Variants in QSER1 observed in about 807,000 individuals in gnomAD.
QSER1 encodes the protein glutamine and serine rich 1, also known as glutamine and serine-rich protein 1.
Under a neutral mutation model 158.5 loss-of-function variants are expected in QSER1, and 49 were observed. The observed-to-expected ratio is 0.31, with a 90% CI of 0.25 to 0.39. The LOEUF (loss-of-function observed/expected upper bound fraction) is 0.39. QSER1 is among the 10% of genes least tolerant of loss of function. The pLI is 1.00. For synonymous variants in QSER1, 650 were observed against 715.5 expected, an observed-to-expected ratio of 0.91 and a Z score of 1.46; for missense variants, 1,754 against 2,010.3, an observed-to-expected ratio of 0.87 and a Z score of 2.44.
At position 32,933,530 on chromosome 11, in the gene QSER1, T is replaced by A. The variant is rs376278612; in HGVS notation, c.2272T>A (p.Ser758Thr). The A allele has an allele frequency of 1.1e-4, 178 of 1,612,576 alleles. No individual in the cohort carries two copies. Among genetic ancestry groups the A allele is most frequent in the Non-Finnish European group, 1.4e-4 (168 of 1,179,574 alleles). ...AGTTATTGGGGTTGCTCTGCAAGCA[T>A]CAAAAAAAGAAGAAAGTGTTGTTGG... ...DQVIGVALQA[S>T]KKEESVVGSV... Residue 758 changes from serine (S) to threonine (T), a missense_variant, in exon 4 of 13, where the codon TCA becomes ACA. Coordinates refer to ENST00000650167, the MANE Select transcript of QSER1 (RefSeq NM_001076786.3).
At chr11:32,899,014 A>G (rs1410596263) in intron 1 of QSER1, among the ~76,000 whole-genome samples, 2 of 151,900 alleles carry the variant, frequency 1.3e-5, no homozygotes, top group Non-Finnish European at 2.9e-5. Context: ...AGTATTTTCA[A>G]CCCTCACTCC....
chr11:32,912,879 C>T (rs1851785443), intron 1 of QSER1, among the ~76,000 whole-genome samples: 1 of 152,142 alleles, frequency 6.6e-6, no homozygotes, highest in Non-Finnish European at 1.5e-5. Flanking sequence ...CACCACTGCA[C>T]TCCAGCCTGG....
chr11:32,962,879 G>A (rs1852650932), intron 8 of QSER1, among the ~76,000 whole-genome samples: 1 of 152,048 alleles, frequency 6.6e-6, no homozygotes, highest in Admixed American at 6.6e-5. Context: ...ATAAATTAAG[G>A]TCTGCCAAAT....
intron 8 of QSER1, among the ~76,000 whole-genome samples, chr11:32,963,148 A>C (rs1168527374): frequency 1.3e-5 from 2 of 152,102 alleles, no homozygotes. Flanking sequence ...AGGACTATTA[A>C]TTTTTATTTT....
Position 32,977,273 on chromosome 11 carries a change from C to T in QSER1, c.*799C>T, listed in dbSNP as rs1045343278. 6 of 152,388 alleles carry T rather than the reference C, an allele frequency of 3.9e-5. No homozygotes were observed. The highest frequency in any genetic ancestry group is 8.8e-5 in the Non-Finnish European group (6 of 67,988). The allele number at this position is 152,388 out of a possible 1,614,324, so 9.4% of individuals were successfully genotyped here. On this transcript the variant is annotated 3_prime_UTR_variant, in exon 13 of 13. Coordinates refer to ENST00000650167, the MANE Select transcript of QSER1 (RefSeq NM_001076786.3). Reference sequence around the variant, plus strand: ...TACGTTTGATATATCTCTACAACACCTTTTGTTATTTTCAGTAAATCTTAG... The same window carrying T: ...TACGTTTGATATATCTCTACAACACTTTTTGTTATTTTCAGTAAATCTTAG...
chr11:32,950,157 C>T (rs1328104338), intron 4 of QSER1, among the ~76,000 whole-genome samples: 1 of 151,886 alleles, frequency 6.6e-6, no homozygotes, highest in African/African-American at 2.4e-5. Flanking sequence ...TGCAGTGTTG[C>T]AATCTAGGCT....
intron 1 of QSER1, among the ~76,000 whole-genome samples, chr11:32,913,179 CTTTT>C (rs61685246): frequency 5.5e-5 from 3 of 54,354 alleles, no homozygotes; most frequent in African/African-American, 1.5e-4. Context: ...TCTCCTCTTC[CTTTT>C]TTTTTTTTTT....
At chr11:32,949,628 A>G (rs1349479085) in intron 4 of QSER1, among the ~76,000 whole-genome samples, 1 of 152,148 alleles carries the variant, frequency 6.6e-6, no homozygotes, top group African/African-American at 2.4e-5. Context: ...AAGACAAATC[A>G]GTTTCCATTT....
At chr11:32,897,994 A>G (rs1851577137) in intron 1 of QSER1, among the ~76,000 whole-genome samples, 2 of 152,190 alleles carry the variant, frequency 1.3e-5, no homozygotes, top group African/African-American at 4.8e-5. Context: ...CCAAGCCACC[A>G]TTATTTTTCA....
At chr11:32,947,711 C>T (rs1409331949) in intron 4 of QSER1, among the ~76,000 whole-genome samples, 2 of 152,056 alleles carry the variant, frequency 1.3e-5, no homozygotes, top group Non-Finnish European at 2.9e-5. Context: ...ATTGCTTGAT[C>T]TGTTGATTCC....
chr11:32,975,960 T>A (rs1228431829), intron 12 of QSER1, among the ~76,000 whole-genome samples: 1 of 152,208 alleles, frequency 6.6e-6, no homozygotes, highest in African/African-American at 2.4e-5. Flanking sequence ...CTATATCTAA[T>A]GTGTTTGACA....
At chr11:32,948,596 T>C (rs117843844) in intron 4 of QSER1, among the ~76,000 whole-genome samples, 2,963 of 152,246 alleles carry the variant, frequency 0.019, 45 homozygotes, top group South Asian at 0.038. Context: ...ACCATTGCAC[T>C]CCAGCCTGGG....
At chr11:32,971,775 G>A (rs1456980243) in intron 10 of QSER1, among the ~76,000 whole-genome samples, 4 of 151,996 alleles carry the variant, frequency 2.6e-5, no homozygotes, top group Non-Finnish European at 5.9e-5. Flanking sequence ...AAAAGGTACC[G>A]TTTTCGGGAC....
chr11:32,947,652 A>T (rs556657912), intron 4 of QSER1, among the ~76,000 whole-genome samples: 4 of 152,136 alleles, frequency 2.6e-5, no homozygotes, highest in African/African-American at 9.7e-5. Flanking sequence ...CTAAAATTTT[A>T]TAATAATAAA....
chr11:32,948,621 G>T (rs1020564098), intron 4 of QSER1, among the ~76,000 whole-genome samples: 1 of 152,028 alleles, frequency 6.6e-6, no homozygotes, highest in Non-Finnish European at 1.5e-5. Flanking sequence ...AGAGCTAGAT[G>T]CTATCTCTTA....
chr11:32,935,141 T>C lies in QSER1; in HGVS notation c.3883T>C (p.Ser1295Pro), dbSNP rs754135349. 1 of 1,614,086 alleles carries C rather than the reference T, an allele frequency of 6.2e-7. No homozygotes were observed. The highest frequency in any genetic ancestry group is 8.5e-7 in the Non-Finnish European group (1 of 1,179,998). The change falls in exon 4 of 13, where the codon TCC becomes CCC. Residue 1295 changes from serine to proline, a missense_variant. This residue lies in a region of QSER1 where 1,707 missense variants were observed against 1,919.6 expected (regional missense o/e 0.89). Transcript: ENST00000650167. ...GAAATCCGGGCCCAAGCAGCAGTTT[T>C]CCACTCTTGCTGTACGAATGCCTAA... ...FLKSGPKQQF[S>P]TLAVRMPNRT... is the part of the protein sequence containing the mutation.
chr11:32,932,917 A>G lies in QSER1; in HGVS notation c.1659A>G (p.Gln553=), dbSNP rs776343848. Residue 553 remains glutamine, a synonymous_variant, in exon 4 of 13, where the codon CAA becomes CAG. Transcript: ENST00000650167. ...ATCTGTCTTCAGTAAGTCAGTCTCA[A>G]AGTTACTCATCTGGTCACTCTCAGG... ...TRDLSSVSQS[Q]SYSSGHSQGL... The G allele has an allele frequency of 5.6e-6, 9 of 1,613,848 alleles. No homozygotes were observed. Among genetic ancestry groups the G allele is most frequent in the African/African-American group, 4.0e-5 (3 of 74,936 alleles).
chr11:32,902,659 A>G (rs766966457), intron 1 of QSER1, among the ~76,000 whole-genome samples: 1 of 152,190 alleles, frequency 6.6e-6, no homozygotes, highest in Non-Finnish European at 1.5e-5. Context: ...GGACATGTGT[A>G]TAGAGACAAT....
At chr11:32,972,530 A>T (rs1244041823) in intron 10 of QSER1, among the ~76,000 whole-genome samples, 3 of 151,832 alleles carry the variant, frequency 2.0e-5, no homozygotes, top group African/African-American at 7.3e-5. Flanking sequence ...CTGCCTCCCG[A>T]GTTCAAGCGA....
Sources: gnomAD v4.1 joint callset for allele counts (sites outside exome capture counted in the v4.1 genomes callset) on GRCh38, gnomAD v4.1.1 for gene constraint, gnomAD v4.1.1 regional missense constraint, MANE v1.5 for transcripts, NCBI Gene and HGNC (gene_info 2026-07-23, HGNC 2026-07-21) for gene names.